The following PPP2R2D variants were observed in gnomAD, a reference collection of about 807,000 sequenced individuals.
The protein encoded by PPP2R2D is protein phosphatase 2 regulatory subunit Bdelta, also known as serine/threonine-protein phosphatase 2A 55 kDa regulatory subunit B delta isoform.
Under a neutral mutation model 31.1 loss-of-function variants are expected in PPP2R2D, and 9 were observed. The observed-to-expected ratio is 0.29, with a 90% CI of 0.17 to 0.51. PPP2R2D has a LOEUF of 0.51. PPP2R2D is among the 20% of genes least tolerant of loss of function. The pLI is 0.98. For missense variants in PPP2R2D, 391 were observed against 465.6 expected (o/e 0.84, Z 1.48); for synonymous variants, 179 against 172.6 (o/e 1.04, Z -0.29).
chr10:131,911,247 A>G (rs2035678060), intron 2 of PPP2R2D, among the ~76,000 whole-genome samples: 1 of 152,232 alleles, frequency 6.6e-6, no homozygotes, highest in Admixed American at 6.5e-5. Context: ...GACCCCAGCC[A>G]GTGTCCGGCT....
intron 2 of PPP2R2D, among the ~76,000 whole-genome samples, chr10:131,909,002 C>G (rs910377635): frequency 1.3e-5 from 2 of 152,178 alleles, no homozygotes; most frequent in African/African-American, 4.8e-5. Flanking sequence ...GGTCCTTGCA[C>G]CATGGCTGGA....
intron 8 of PPP2R2D, among the ~76,000 whole-genome samples, chr10:131,951,877 A>AT (rs1284429990): frequency 1.3e-4 from 20 of 152,208 alleles, no homozygotes; most frequent in African/African-American, 4.8e-4. Context: ...GATGACACAT[A>AT]TGTACTCTAG....
chr10:131,968,676 T>C, the PPP2R2D span: 2 of 946,674 alleles, frequency 2.1e-6, no homozygotes, highest in African/African-American at 1.6e-5. Context: ...GCAAGGGGAC[T>C]GGTGATTTTA....
intron 2 of PPP2R2D, among the ~76,000 whole-genome samples, chr10:131,914,496 C>T (rs1264802581): frequency 1.3e-5 from 2 of 152,100 alleles, no homozygotes; most frequent in Non-Finnish European, 2.9e-5. Flanking sequence ...GGGTTAGGAC[C>T]CCAAGGTTCC....
chr10:131,936,895 G>A (rs1554896585), intron 3 of PPP2R2D, among the ~76,000 whole-genome samples: 1 of 152,226 alleles, frequency 6.6e-6, no homozygotes, highest in Non-Finnish European at 1.5e-5. Context: ...GCATTCGGCT[G>A]GTTGCCCCAT....
At chr10:131,942,725 A>T (rs2036462939) in intron 5 of PPP2R2D, among the ~76,000 whole-genome samples, 1 of 152,208 alleles carries the variant, frequency 6.6e-6, no homozygotes, top group Non-Finnish European at 1.5e-5. Context: ...AAATTATTTT[A>T]TATGCAAATT....
At chr10:131,955,573 C>T (rs1031583331) in intron 8 of PPP2R2D, 111 bp from the exon 9 acceptor site, 2 of 927,834 alleles carry the variant, frequency 2.2e-6, no homozygotes, top group Non-Finnish European at 1.4e-6. Flanking sequence ...CTGAAAGTAA[C>T]TGGGTTGTGG....
chr10:131,901,459 CAGGGGCCGAGCT>C (rs2035493696), intron 2 of PPP2R2D, 129 bp downstream of exon 2: 2 of 322,786 alleles, frequency 6.2e-6, no homozygotes, highest in South Asian at 1.4e-4. Flanking sequence ...GGGCAGGGGC[CAGGGGCCGAGCT>C]GGGGGCCGTG....
At chr10:131,951,152 A>C (rs1554898726) in intron 8 of PPP2R2D, among the ~76,000 whole-genome samples, 1 of 152,214 alleles carries the variant, frequency 6.6e-6, no homozygotes, top group African/African-American at 2.4e-5. Flanking sequence ...ACGTCCTTTC[A>C]TGCCCATCAG....
chr10:131,948,254 A>G (rs2036577418), intron 8 of PPP2R2D, among the ~76,000 whole-genome samples: 1 of 152,206 alleles, frequency 6.6e-6, no homozygotes, highest in South Asian at 2.1e-4. Context: ...ACACCAATGT[A>G]ATTTATAATG....
intron 2 of PPP2R2D, among the ~76,000 whole-genome samples, chr10:131,933,103 T>C (rs2036272019): frequency 6.6e-6 from 1 of 152,226 alleles, no homozygotes; most frequent in African/African-American, 2.4e-5. Context: ...ATAGTGACGC[T>C]TCTAAGAAAC....
At chr10:131,953,937 C>A (rs548641390) in intron 8 of PPP2R2D, among the ~76,000 whole-genome samples, 1 of 152,308 alleles carries the variant, frequency 6.6e-6, no homozygotes, top group African/African-American at 2.4e-5. Flanking sequence ...TCCATTCACT[C>A]TCAAAAACAC....
chr10:131,928,361 A>G (rs948555220), intron 2 of PPP2R2D, among the ~76,000 whole-genome samples: 3 of 152,312 alleles, frequency 2.0e-5, no homozygotes, highest in East Asian at 3.9e-4. Flanking sequence ...GTGTGTTTAA[A>G]TGACCCACTC....
In PPP2R2D at chr10:131,917,595, G is replaced by A. The variant is rs1250935847; in HGVS notation, c.100+16265G>A. Among the ~76,000 whole-genome samples, 32 of 134,284 alleles carry A rather than the reference G, an allele frequency of 2.4e-4. 2 individuals are homozygous for A. The highest frequency in any genetic ancestry group is 4.6e-4 in the Non-Finnish European group (29 of 63,472). The allele number at this position is 134,284 out of a possible 152,430, so 88.1% of individuals were successfully genotyped here. On this transcript the variant is annotated intron_variant, in intron 2 of 8. Transcript: ENST00000455566. ...GGCGGGTGGAATGACAGTGTTTGTAGGGACCTCACGTGGGTGGAATGACAC... is the reference window on the plus strand; with the variant it reads ...GGCGGGTGGAATGACAGTGTTTGTAAGGACCTCACGTGGGTGGAATGACAC...
intron 2 of PPP2R2D, among the ~76,000 whole-genome samples, chr10:131,909,467 A>G (rs908661723): frequency 2.0e-5 from 3 of 152,250 alleles, no homozygotes; most frequent in Admixed American, 6.5e-5. Flanking sequence ...GGGGTGGCCA[A>G]GCTTTTTTGT....
At chr10:131,949,105 T>G (rs1285634970) in intron 8 of PPP2R2D, among the ~76,000 whole-genome samples, 1 of 152,158 alleles carries the variant, frequency 6.6e-6, no homozygotes, top group Non-Finnish European at 1.5e-5. Context: ...CTACTCTGTT[T>G]GCAGACTGAC....
chr10:131,952,097 CAG>C (rs869266470), intron 8 of PPP2R2D, among the ~76,000 whole-genome samples: 16 of 102,212 alleles, frequency 1.6e-4, no homozygotes, highest in Admixed American at 4.7e-4. Flanking sequence ...TGCGGGTGTG[CAG>C]GGGGGTTCGC....
At chr10:131,953,219 T>TG (rs1367129519) in intron 8 of PPP2R2D, among the ~76,000 whole-genome samples, 35 of 24,516 alleles carry the variant, frequency 1.4e-3, no homozygotes, top group Middle Eastern at 0.038. Flanking sequence ...CGGTTGTGTG[T>TG]GGGGGGGTTC....
chr10:131,956,133 TCGGCGAGGCGCGAGACAGGCGCTGCTG>T lies in PPP2R2D; in HGVS notation c.*172_*198del. ...GCTGGAGGCCCGGTGTGGTTCCGCC[TCGGCGAGGCGCGAGACAGGCGCTGCTG>T]CTCACGTGGAGACGCTCTCGAAGCA... is the stretch of plus-strand genomic sequence containing the variant. On this transcript the variant is annotated 3_prime_UTR_variant, in exon 9 of 9. Coordinates refer to ENST00000455566, the MANE Select transcript of PPP2R2D (RefSeq NM_018461.5). The T allele has an allele frequency of 8.0e-7, 1 of 1,250,502 alleles. No homozygotes were observed. The highest frequency in any genetic ancestry group is 1.0e-6 in the Non-Finnish European group (1 of 999,308). 77.5% of individuals were successfully genotyped at this position (1,250,502 alleles called of 1,614,324 possible).
Sources: gnomAD v4.1 joint callset for allele counts (sites outside exome capture counted in the v4.1 genomes callset) on GRCh38, gnomAD v4.1.1 for gene constraint, MANE v1.5 for transcripts, NCBI Gene and HGNC (gene_info 2026-07-23, HGNC 2026-07-21) for gene names.